The following ARHGEF11 variants were observed in gnomAD, a reference collection of about 807,000 sequenced individuals.
The protein encoded by ARHGEF11 is Rho guanine exchange factor (GEF) 11.
In ARHGEF11, 55 loss-of-function variants were observed where a neutral mutation model predicts 193.7. The observed-to-expected ratio is 0.28, with a 90% confidence interval of 0.23 to 0.36. The LOEUF (loss-of-function observed/expected upper bound fraction) is 0.36. Ranked by LOEUF, ARHGEF11 falls within the 10% of genes least tolerant of loss-of-function variation. ARHGEF11 has a pLI of 1.00. For missense variants in ARHGEF11, 1,723 were observed against 2,005.6 expected (o/e 0.86, Z 2.69); for synonymous variants, 693 against 768.0 (o/e 0.90, Z 1.62).
chr1:157,002,275 G>A (rs1328996204), intron 1 of ARHGEF11, among the ~76,000 whole-genome samples: 1 of 152,136 alleles, frequency 6.6e-6, no homozygotes, highest in African/African-American at 2.4e-5. Flanking sequence ...AAATGAACCT[G>A]GATTGGCCAG....
At chr1:156,964,643 A>ATC (rs1661446699) in intron 11 of ARHGEF11, among the ~76,000 whole-genome samples, 1 of 152,186 alleles carries the variant, frequency 6.6e-6, no homozygotes, top group Non-Finnish European at 1.5e-5. Flanking sequence ...CCCAGAAGGT[A>ATC]TCTCAGACAC....
chr1:156,958,992 C>A lies in ARHGEF11; in HGVS notation c.1379+54G>T, dbSNP rs140060267. ...ACGTCCCAGAGGGAAGGAGCCAGGG[C>A]CAAGAGGCGGAGGTGAACGAGGAGA... On this transcript the variant is annotated intron_variant, in intron 16 of 40. Transcript: ENST00000368194. The A allele has an allele frequency of 8.4e-5, 136 of 1,610,962 alleles. No homozygotes were observed. In the East Asian group the frequency reaches 2.9e-3, roughly 34 times the overall value.
At chr1:156,987,431 G>A (rs1385109915) in intron 1 of ARHGEF11, among the ~76,000 whole-genome samples, 1 of 152,158 alleles carries the variant, frequency 6.6e-6, no homozygotes, top group East Asian at 1.9e-4. Flanking sequence ...GTTTAAAAAA[G>A]TGAGTAAAGG....
At chr1:156,977,146 A>C in intron 6 of ARHGEF11, 92 bp from the exon 7 acceptor site, 2 of 1,053,224 alleles carry the variant, frequency 1.9e-6, no homozygotes, top group Non-Finnish European at 3.0e-6. Context: ...AAGGACAGCT[A>C]TGAGAATAGA....
rs35863393 is a variant in ARHGEF11 at position 156,936,480 on chromosome 1, G to GA, written c.4630+335dup. Among the ~76,000 whole-genome samples the GA allele has an allele frequency of 9.5e-3, 454 of 48,012 alleles. 7 individuals carry two copies. The highest frequency in any genetic ancestry group is 0.018 in the South Asian group (14 of 788). 31.5% of individuals were successfully genotyped at this position (48,012 alleles called of 152,430 possible). A position where few individuals can be genotyped will look rare whatever the true frequency, so the allele number is the denominator to read the frequency against. ...GGCCAGCCCTTGTCTCAAATAAATA[G>GA]AAAAAAAAAAAAAAAAAATATATAT... is the stretch of plus-strand genomic sequence containing the variant. On this transcript the variant is annotated intron_variant, in intron 40 of 40. Transcript: ENST00000368194.
At chr1:156,969,191 C>T in intron 10 of ARHGEF11, 91 bp downstream of exon 10, 3 of 1,026,548 alleles carry the variant, frequency 2.9e-6, no homozygotes, top group East Asian at 5.2e-5. Flanking sequence ...CACACAGAGG[C>T]CTCAGTGCAG....
chr1:157,011,661 A>G (rs1171704444), intron 1 of ARHGEF11, among the ~76,000 whole-genome samples: 3 of 152,166 alleles, frequency 2.0e-5, no homozygotes, highest in African/African-American at 7.2e-5. Flanking sequence ...CAATTAAAAA[A>G]TGGGCAAAGA....
rs201677471 is a variant in ARHGEF11 at position 156,971,763 on chromosome 1, G to A, written c.636C>T (p.Ile212=). Residue 212 remains isoleucine, a synonymous_variant, in exon 8 of 41, where the codon ATC becomes ATT. Coordinates refer to ENST00000368194, the MANE Select transcript of ARHGEF11 (RefSeq NM_198236.3). ...RNPASLLEEQ[I]EGARRRVTQL... is the part of the protein sequence containing the mutation. The stretch of plus-strand genomic sequence containing the variant: ...GAGTGACTCGCCGCCGGGCACCTTC[G>A]ATCTGCTCTTCCAGTAGGCTGGCGG... The A allele has an allele frequency of 1.3e-4, 216 of 1,613,928 alleles. No individual in the cohort carries two copies. Among genetic ancestry groups the A allele is most frequent in the Non-Finnish European group, 1.7e-4 (197 of 1,179,996 alleles).
Position 156,946,717 on chromosome 1 carries a change from A to G in ARHGEF11, c.2639T>C (p.Leu880Pro). 1.2e-6 allele frequency: 2 copies of G among 1,614,232 alleles called. No individual in the cohort carries two copies. Among genetic ancestry groups the G allele is most frequent in the Non-Finnish European group, 1.7e-6 (2 of 1,180,048 alleles). Reference sequence around the variant, plus strand: ...GCGTTGCTTGGTCTTGATTAGCTCTAGGGCTATTGACTGATAGGAACAGAA... The same window carrying G: ...GCGTTGCTTGGTCTTGATTAGCTCTGGGGCTATTGACTGATAGGAACAGAA... The part of the protein sequence containing the change: ...AQFCSYQSIA[L>P]ELIKTKQRKE... The change falls in exon 28 of 41, where the codon CTA (leucine) becomes CCA (proline). Residue 880 changes from leucine to proline, a missense_variant. This residue lies in a region of ARHGEF11 where 491 missense variants were observed against 654.5 expected (regional missense o/e 0.75). Transcript: ENST00000368194.
chr1:156,939,969 A>G, intron 36 of ARHGEF11, 59 bp from the exon 37 acceptor site: 2 of 1,578,040 alleles, frequency 1.3e-6, no homozygotes, highest in South Asian at 2.3e-5. Flanking sequence ...CGCCAGAAGG[A>G]TCGTTGTACT....
chr1:156,966,085 C>A (rs572451533), intron 11 of ARHGEF11, among the ~76,000 whole-genome samples: 10 of 152,160 alleles, frequency 6.6e-5, no homozygotes, highest in Non-Finnish European at 1.0e-4. Context: ...CTGCTTGGAA[C>A]CCTGAACTCC....
At chr1:157,009,417 G>C (rs1438506212) in intron 1 of ARHGEF11, among the ~76,000 whole-genome samples, 1 of 152,154 alleles carries the variant, frequency 6.6e-6, no homozygotes, top group Non-Finnish European at 1.5e-5. Flanking sequence ...TGAGGAGTTA[G>C]GAGACACAGG....
chr1:156,992,603 ATG>A (rs34381594), intron 1 of ARHGEF11, among the ~76,000 whole-genome samples: 38,950 of 147,022 alleles, frequency 0.26, 5,701 homozygotes, highest in East Asian at 0.41. Context: ...GTGTATATAT[ATG>A]TGTGTGTGTG....
At chr1:157,030,537 C>T (rs1671172390) in intron 1 of ARHGEF11, among the ~76,000 whole-genome samples, 1 of 152,116 alleles carries the variant, frequency 6.6e-6, no homozygotes, top group African/African-American at 2.4e-5. Context: ...CTATCTCTTT[C>T]CTAGTCAGGC....
intron 1 of ARHGEF11, among the ~76,000 whole-genome samples, chr1:156,996,772 CAA>C (rs66730438): frequency 0.03 from 1,162 of 38,528 alleles, 12 homozygotes; most frequent in African/African-American, 0.086. Flanking sequence ...GACTCTGTCT[CAA>C]AAAAAAAAAA....
chr1:157,039,007 G>A (rs1187759729), intron 1 of ARHGEF11, among the ~76,000 whole-genome samples: 1 of 152,114 alleles, frequency 6.6e-6, no homozygotes, highest in Non-Finnish European at 1.5e-5. Context: ...GCGACAGAGT[G>A]AGACCCTGTC....
In ARHGEF11 at chr1:156,980,469, C is replaced by A; in HGVS notation, c.241G>T (p.Ala81Ser). The A allele has an allele frequency of 6.2e-7, 1 of 1,601,418 alleles. No homozygotes were observed. Among genetic ancestry groups the A allele is most frequent in the Non-Finnish European group, 8.5e-7 (1 of 1,173,412 alleles). ...SVRPGGAAMKAGVKEGDRIIK... is the reference protein window; with the variant it reads ...SVRPGGAAMKSGVKEGDRIIK... ...ATCCGGTCGCCCTCTTTCACACCGGCCTTCATGGCTGCACCTCCTGTAAGG... is the reference window on the plus strand; with the variant it reads ...ATCCGGTCGCCCTCTTTCACACCGGACTTCATGGCTGCACCTCCTGTAAGG... The change falls in exon 4 of 41, where the codon GCC becomes TCC. Residue 81 changes from alanine to serine, a missense_variant. This residue lies in a region of ARHGEF11 where 646 missense variants were observed against 710.7 expected (regional missense o/e 0.91). Transcript: ENST00000368194.
intron 1 of ARHGEF11, among the ~76,000 whole-genome samples, chr1:157,012,269 T>G (rs1668633150): frequency 6.6e-6 from 1 of 152,196 alleles, no homozygotes; most frequent in African/African-American, 2.4e-5. Context: ...ATGTGAAATA[T>G]TCAGAATAGG....
chr1:157,038,424 G>C (rs1220694161), intron 1 of ARHGEF11, among the ~76,000 whole-genome samples: 1 of 152,196 alleles, frequency 6.6e-6, no homozygotes, highest in Non-Finnish European at 1.5e-5. Context: ...GTAATAGAGG[G>C]ATACTAGTGA....
Sources: allele counts gnomAD v4.1 joint callset (sites outside exome capture counted in the v4.1 genomes callset), GRCh38; gene constraint gnomAD v4.1.1; regional missense constraint gnomAD v4.1.1; transcripts MANE v1.5; gene names NCBI Gene and HGNC (gene_info 2026-07-23, HGNC 2026-07-21).